The following BNIP3 variants were observed in gnomAD, a reference collection of about 807,000 sequenced individuals.
The protein encoded by BNIP3 is BCL2/adenovirus E1B 19 kDa protein-interacting protein 3.
BNIP3 carries 16 observed loss-of-function variants against 23.9 expected under a neutral mutation model. That is an observed-to-expected ratio of 0.67 (90% confidence interval 0.45 to 1.01). The LOEUF (loss-of-function observed/expected upper bound fraction) is 1.01, where lower values mean the gene tolerates loss of function less well. Ranked by LOEUF, BNIP3 falls within the 50% of genes least tolerant of loss-of-function variation. BNIP3 has a pLI of 0.00. For synonymous variants in BNIP3, 81 were observed against 89.3 expected (o/e 0.91, Z 0.53); for missense variants, 198 against 248.7 (o/e 0.80, Z 1.37).
intron 3 of BNIP3, among the ~76,000 whole-genome samples, chr10:131,971,787 C>T (rs1440038411): frequency 1.3e-5 from 2 of 152,250 alleles, no homozygotes; most frequent in African/African-American, 2.4e-5. Flanking sequence ...CACCCACACA[C>T]CCACAGCCAG....
chr10:131,970,301 G>A lies in BNIP3; in HGVS notation c.539+337C>T, dbSNP rs1219551917. 8 of 286,996 alleles carry A rather than the reference G, an allele frequency of 2.8e-5. No homozygotes were observed. The highest frequency in any genetic ancestry group is 5.9e-5 in the South Asian group (1 of 16,980). The allele number at this position is 286,996 out of a possible 1,614,324, so 17.8% of individuals were successfully genotyped here. A position where few individuals can be genotyped will look rare whatever the true frequency, so the allele number is the denominator to read the frequency against. ...CTACAGCAGAGCTGGGTGCATTCCC[G>A]CCACAGTACTACACAGAAATGAGAC... is the stretch of plus-strand genomic sequence containing the variant. On this transcript the variant is annotated intron_variant, in intron 5 of 5. Coordinates refer to ENST00000368636, the MANE Select transcript of BNIP3 (RefSeq NM_004052.4). The surrounding 1 kb of genome is among the most constrained non-coding windows in gnomAD (Gnocchi z 4.1).
chr10:131,979,435 C>T (rs1021599041), intron 1 of BNIP3, among the ~76,000 whole-genome samples: 4 of 152,182 alleles, frequency 2.6e-5, no homozygotes, highest in African/African-American at 7.2e-5. Flanking sequence ...TTATTAAACA[C>T]GGCCCTCCAG....
chr10:131,973,646 C>T lies in BNIP3; in HGVS notation c.197+147G>A, dbSNP rs529136568. ...AGAGGGCGAGGCTCCTATATAAGGA[C>T]GGACTGCAGCAGGAGCCAGTCCAGA... On this transcript the variant is annotated intron_variant, in intron 2 of 5. Coordinates refer to ENST00000368636, the MANE Select transcript of BNIP3 (RefSeq NM_004052.4). 721 of 1,068,574 alleles carry T rather than the reference C, an allele frequency of 6.7e-4. 3 individuals are homozygous for T. The highest frequency in any genetic ancestry group is 1.1e-3 in the African/African-American group (72 of 63,242). The allele number at this position is 1,068,574 out of a possible 1,614,324, so 66.2% of individuals were successfully genotyped here.
In BNIP3 at chr10:131,970,291, G is replaced by A. The variant is rs2037016470; in HGVS notation, c.539+347C>T. 3 of 277,864 alleles carry A rather than the reference G, an allele frequency of 1.1e-5. No individual in the cohort carries two copies. Among genetic ancestry groups the A allele is most frequent in the Non-Finnish European group, 2.0e-5 (3 of 148,130 alleles). 17.2% of individuals were successfully genotyped at this position (277,864 alleles called of 1,614,324 possible). On this transcript the variant is annotated intron_variant, in intron 5 of 5. Transcript: ENST00000368636. The surrounding 1 kb of genome is among the most constrained non-coding windows in gnomAD (Gnocchi z 4.1). Reference sequence around the variant, plus strand: ...GACCCTCCACCTACAGCAGAGCTGGGTGCATTCCCGCCACAGTACTACACA... The same window carrying A: ...GACCCTCCACCTACAGCAGAGCTGGATGCATTCCCGCCACAGTACTACACA...
In BNIP3 at chr10:131,976,990, CT is replaced by C. The variant is rs1240671373; in HGVS notation, c.47-3048del. Among the ~76,000 whole-genome samples, 2 of 152,162 alleles carry C rather than the reference CT, an allele frequency of 1.3e-5. No individual in the cohort carries two copies. Among genetic ancestry groups the C allele is most frequent in the African/African-American group, 2.4e-5 (1 of 41,438 alleles). ...TTCTTTAATAAACATGCTTAAGACA[CT>C]TATTGGCACAGCGGTTCATGCCTGT... On this transcript the variant is annotated intron_variant, in intron 1 of 5. Transcript: ENST00000368636. This position sits in a 1 kb window ranked among gnomAD's most constrained non-coding sequence, Gnocchi z 4.3.
chr10:131,974,723 TC>T (rs1227506777), intron 1 of BNIP3, among the ~76,000 whole-genome samples: 1 of 152,240 alleles, frequency 6.6e-6, no homozygotes, highest in Non-Finnish European at 1.5e-5. Flanking sequence ...TTATATAATT[TC>T]TAACGAGGTT....
At chr10:131,972,984 C>T in intron 3 of BNIP3, 50 bp downstream of exon 3, 1 of 1,562,486 alleles carries the variant, frequency 6.4e-7, no homozygotes, top group Non-Finnish European at 8.8e-7. Flanking sequence ...GTTTCCTGTA[C>T]AAACAGATCA....
rs542105772 is a variant in BNIP3, at chr10:131,981,733, G to A, written c.46+28C>T. 228 of 1,457,192 alleles carry A rather than the reference G, an allele frequency of 1.6e-4. 1 individual carries two copies. The South Asian group carries it at 1.6e-3, about 10-fold the overall frequency. The allele number at this position is 1,457,192 out of a possible 1,614,324, so 90.3% of individuals were successfully genotyped here. A position where few individuals can be genotyped will look rare whatever the true frequency, so the allele number is the denominator to read the frequency against. On this transcript the variant is annotated intron_variant, in intron 1 of 5. Coordinates refer to ENST00000368636, the MANE Select transcript of BNIP3 (RefSeq NM_004052.4). The stretch of plus-strand genomic sequence containing the variant: ...CCAGGCTTCCCCCCCGCGCCCCCTC[G>A]GCTCCCGCGCCGCCTCCTCCGCCTC...
Position 131,976,453 on chromosome 10 carries a change from G to A in BNIP3, c.47-2510C>T, listed in dbSNP as rs571367698. Among the ~76,000 whole-genome samples the A allele has an allele frequency of 2.6e-5, 4 of 152,264 alleles. No individual in the cohort carries two copies. The highest frequency in any genetic ancestry group is 7.2e-5 in the African/African-American group (3 of 41,552). On this transcript the variant is annotated intron_variant, in intron 1 of 5. Coordinates refer to ENST00000368636, the MANE Select transcript of BNIP3 (RefSeq NM_004052.4). The surrounding 1 kb of genome is among the most constrained non-coding windows in gnomAD (Gnocchi z 4.3). ...TTCTGCCAGTGCCTCTACCTACTCAGGGGATCCCACACACCTGCCTCAGGT... is the reference window on the plus strand; with the variant it reads ...TTCTGCCAGTGCCTCTACCTACTCAAGGGATCCCACACACCTGCCTCAGGT...
intron 1 of BNIP3, chr10:131,981,218 T>C (rs2037116171): frequency 1.3e-5 from 2 of 153,464 alleles, no homozygotes; most frequent in Admixed American, 1.3e-4. Flanking sequence ...AACATGCCCA[T>C]TTAATGCCAT....
chr10:131,980,412 T>C (rs2037110818), intron 1 of BNIP3: 1 of 152,186 alleles, frequency 6.6e-6, no homozygotes, highest in Admixed American at 6.5e-5. Context: ...AATGTTTAAA[T>C]TTCAAGAGGA....
chr10:131,974,750 A>C (rs2037067282), intron 1 of BNIP3, among the ~76,000 whole-genome samples: 1 of 152,200 alleles, frequency 6.6e-6, no homozygotes, highest in Non-Finnish European at 1.5e-5. Flanking sequence ...CGGTTTTACA[A>C]GTTTGCTAGC....
chr10:131,972,709 C>CT (rs1448549449), intron 3 of BNIP3, among the ~76,000 whole-genome samples: 1 of 152,212 alleles, frequency 6.6e-6, no homozygotes, highest in East Asian at 1.9e-4. Flanking sequence ...CCAATGGTCC[C>CT]TCCCTCCTCT....
At chr10:131,980,923 C>T (rs2037114099) in intron 1 of BNIP3, 1 of 151,904 alleles carries the variant, frequency 6.6e-6, no homozygotes, top group Non-Finnish European at 1.5e-5. Context: ...GCCCGCTTCC[C>T]TGAGCAAAGG....
At chr10:131,975,778 T>G (rs985699953) in intron 1 of BNIP3, among the ~76,000 whole-genome samples, 1 of 152,198 alleles carries the variant, frequency 6.6e-6, no homozygotes, top group African/African-American at 2.4e-5. Flanking sequence ...GCTAACGAAA[T>G]GATCACACAA....
Position 131,981,874 on chromosome 10 carries a change from G to C in BNIP3, c.-68C>G. On this transcript the variant is annotated 5_prime_UTR_variant, in exon 1 of 6. Transcript: ENST00000368636. The stretch of plus-strand genomic sequence containing the variant: ...TGCGGGATGTGCTTCAGCTGCGGGC[G>C]GTGGGAAAGCGGAGGTCGGAGCGCC... 1 of 1,380,634 alleles carries C rather than the reference G, an allele frequency of 7.2e-7. No homozygotes were observed. Among genetic ancestry groups the C allele is most frequent in the Non-Finnish European group, 9.3e-7 (1 of 1,071,616 alleles). The allele number at this position is 1,380,634 out of a possible 1,614,324, so 85.5% of individuals were successfully genotyped here.
intron 2 of BNIP3, chr10:131,973,362 T>TGAA (rs2133692988): frequency 1.9e-6 from 1 of 519,506 alleles, no homozygotes; most frequent in African/African-American, 1.9e-5. Context: ...GGCAAGCAGC[T>TGAA]GGCTTTGTCA....
chr10:131,978,918 C>T (rs1035753610), intron 1 of BNIP3, among the ~76,000 whole-genome samples: 2 of 152,154 alleles, frequency 1.3e-5, no homozygotes, highest in African/African-American at 4.8e-5. Flanking sequence ...TAAAGCTTCT[C>T]AGGTTAGTGG....
At chr10:131,979,012 C>CG (rs1235491092) in intron 1 of BNIP3, among the ~76,000 whole-genome samples, 1 of 152,188 alleles carries the variant, frequency 6.6e-6, no homozygotes, top group African/African-American at 2.4e-5. Flanking sequence ...TGGCTTCCAA[C>CG]GGGGCTCGTT....
Sources: allele counts gnomAD v4.1 joint callset (sites outside exome capture counted in the v4.1 genomes callset), GRCh38; gene constraint gnomAD v4.1.1; non-coding constraint Gnocchi (gnomAD v3.1); transcripts MANE v1.5; gene names NCBI Gene and HGNC (gene_info 2026-07-23, HGNC 2026-07-21).